ENOX1: variants seen among roughly 807,000 people sequenced by gnomAD.
ENOX1 encodes candidate growth-related and time keeping constitutive hydroquinone (NADH) oxidase.
Under a neutral mutation model 82.5 loss-of-function variants are expected in ENOX1, and 42 were observed. The observed-to-expected ratio is 0.51, with a 90% CI of 0.40 to 0.66. ENOX1 has a LOEUF of 0.66. ENOX1 is among the 30% of genes least tolerant of loss of function. ENOX1 has a pLI of 0.00. For synonymous variants in ENOX1, 271 were observed against 282.2 expected (o/e 0.96, Z 0.40); for missense variants, 608 against 811.6 (o/e 0.75, Z 3.05).
chr13:43,299,768 G>A (rs558236901), intron 11 of ENOX1, among the ~76,000 whole-genome samples: 8 of 152,188 alleles, frequency 5.3e-5, no homozygotes, highest in Admixed American at 5.2e-4. Context: ...AATTTGAAAC[G>A]CTTGTTACCA....
intron 5 of ENOX1, among the ~76,000 whole-genome samples, chr13:43,368,240 C>G (rs2050978354): frequency 6.6e-6 from 1 of 152,162 alleles, no homozygotes; most frequent in Non-Finnish European, 1.5e-5. Flanking sequence ...TTCATTCCAT[C>G]AATAAAACCC....
intron 3 of ENOX1, among the ~76,000 whole-genome samples, chr13:43,470,313 T>C (rs1371167212): frequency 0.012 from 820 of 69,138 alleles, 139 homozygotes; most frequent in Admixed American, 0.1. Flanking sequence ...TATACATATA[T>C]ATACACATAT....
chr13:43,412,090 G>T lies in ENOX1; in HGVS notation c.71-37C>A, dbSNP rs745788052. 5 of 1,597,496 alleles carry T rather than the reference G, an allele frequency of 3.1e-6. No individual in the cohort carries two copies. The Admixed American group carries it at 8.4e-5, about 27-fold the overall frequency. On this transcript the variant is annotated intron_variant, in intron 4 of 16. Coordinates refer to ENST00000690772, the MANE Select transcript of ENOX1 (RefSeq NM_001347969.2). ...AACAAACCATGATTTAGAGTCCATAGGCAAGGGTGTTTGTTTTAAAGAAAA... is the reference window on the plus strand; with the variant it reads ...AACAAACCATGATTTAGAGTCCATATGCAAGGGTGTTTGTTTTAAAGAAAA...
chr13:43,304,112 G>T (rs1458279802), intron 11 of ENOX1, among the ~76,000 whole-genome samples: 1 of 152,186 alleles, frequency 6.6e-6, no homozygotes, highest in Non-Finnish European at 1.5e-5. Context: ...CAGGTCCCAT[G>T]AGCTCAGCTT....
chr13:43,316,279 A>G (rs1052446543), intron 11 of ENOX1, among the ~76,000 whole-genome samples: 3 of 152,188 alleles, frequency 2.0e-5, no homozygotes, highest in African/African-American at 7.2e-5. Flanking sequence ...CCTCAGCTGA[A>G]TTTCACCGAG....
intron 2 of ENOX1, among the ~76,000 whole-genome samples, chr13:43,520,626 T>C (rs1479247966): frequency 6.6e-6 from 1 of 152,090 alleles, no homozygotes; most frequent in Non-Finnish European, 1.5e-5. Context: ...ACACGAACCA[T>C]GCAGACAGAG....
At chr13:43,614,323 G>A (rs925153263) in intron 2 of ENOX1, among the ~76,000 whole-genome samples, 14 of 152,158 alleles carry the variant, frequency 9.2e-5, no homozygotes, top group East Asian at 5.8e-4. Flanking sequence ...CAGGCTGCCT[G>A]CTGAAAGGGT....
Position 43,331,873 on chromosome 13 carries a change from G to A in ENOX1, c.1037-5348C>T, listed in dbSNP as rs185538544. ...CAGACAGACTCCTGCACATTCACTC[G>A]GGTTCTGGGTCCTGAGCATGAAGGA... On this transcript the variant is annotated intron_variant, in intron 9 of 16. Coordinates refer to ENST00000690772, the MANE Select transcript of ENOX1 (RefSeq NM_001347969.2). Among the ~76,000 whole-genome samples the A allele has an allele frequency of 6.1e-4, 93 of 152,278 alleles. 1 individual carries two copies. Among genetic ancestry groups the A allele is most frequent in the Admixed American group, 4.4e-3 (67 of 15,288 alleles).
At chr13:43,477,463 T>C (rs1280139062) in intron 3 of ENOX1, among the ~76,000 whole-genome samples, 1 of 152,130 alleles carries the variant, frequency 6.6e-6, no homozygotes. Flanking sequence ...TTCTAGTAAG[T>C]CTAACTTTCT....
chr13:43,215,817 T>G (rs932254999), intron 16 of ENOX1, among the ~76,000 whole-genome samples: 3 of 152,196 alleles, frequency 2.0e-5, no homozygotes, highest in African/African-American at 7.2e-5. Flanking sequence ...GAGATCCGGA[T>G]TCAGCTGGTC....
chr13:43,382,284 A>G (rs1365097192), intron 5 of ENOX1, among the ~76,000 whole-genome samples: 1 of 152,190 alleles, frequency 6.6e-6, no homozygotes, highest in Non-Finnish European at 1.5e-5. Context: ...TAGATGCAGA[A>G]AAAGCGTCTG....
At chr13:43,493,724 G>A (rs1028551626) in intron 2 of ENOX1, among the ~76,000 whole-genome samples, 1 of 152,092 alleles carries the variant, frequency 6.6e-6, no homozygotes, top group Non-Finnish European at 1.5e-5. Flanking sequence ...AGTCCATCTG[G>A]GTTTCCCTTT....
intron 10 of ENOX1, among the ~76,000 whole-genome samples, chr13:43,325,317 T>C (rs570218328): frequency 2.6e-5 from 4 of 152,360 alleles, no homozygotes; most frequent in East Asian, 1.9e-4. Context: ...AATGTCCTTC[T>C]TAACAATAAA....
intron 2 of ENOX1, among the ~76,000 whole-genome samples, chr13:43,519,057 T>G (rs1230296354): frequency 2.0e-5 from 3 of 150,012 alleles, no homozygotes. Context: ...TGTGAAAGCC[T>G]GGGGATCCAG....
intron 9 of ENOX1, among the ~76,000 whole-genome samples, chr13:43,343,419 T>A (rs1333542455): frequency 2.0e-5 from 3 of 152,228 alleles, no homozygotes; most frequent in Admixed American, 6.5e-5. Flanking sequence ...TTCCTATTCC[T>A]TTTCTTTAAA....
At chr13:43,655,824 C>T (rs17064811) in intron 2 of ENOX1, among the ~76,000 whole-genome samples, 1,709 of 152,262 alleles carry the variant, frequency 0.011, 24 homozygotes, top group African/African-American at 0.034. Flanking sequence ...AATATGTTCC[C>T]GTTCTGGAAA....
chr13:43,685,164 C>T (rs1399214919), intron 1 of ENOX1, among the ~76,000 whole-genome samples: 1 of 152,116 alleles, frequency 6.6e-6, no homozygotes, highest in Non-Finnish European at 1.5e-5. Context: ...TTCACCCGGA[C>T]GACACTTTCC....
intron 11 of ENOX1, among the ~76,000 whole-genome samples, chr13:43,321,853 C>T (rs942585055): frequency 2.0e-5 from 3 of 152,198 alleles, no homozygotes; most frequent in Non-Finnish European, 2.9e-5. Flanking sequence ...ACAGAGCACA[C>T]AAAGCAAGGT....
At chr13:43,485,828 C>T (rs978702012) in intron 2 of ENOX1, among the ~76,000 whole-genome samples, 1 of 152,250 alleles carries the variant, frequency 6.6e-6, no homozygotes, top group Admixed American at 6.5e-5. Flanking sequence ...ATAATCCCAG[C>T]ACTTTGGGAG....
Sources: allele counts gnomAD v4.1 joint callset (sites outside exome capture counted in the v4.1 genomes callset), GRCh38; gene constraint gnomAD v4.1.1; transcripts MANE v1.5; gene names NCBI Gene and HGNC (gene_info 2026-07-23, HGNC 2026-07-21).